Variants in TMEM245 observed in about 807,000 individuals in gnomAD.
TMEM245 encodes protein CG-2.
Under a neutral mutation model 101.2 loss-of-function variants are expected in TMEM245, and 69 were observed. That is an observed-to-expected ratio of 0.68 (90% confidence interval 0.56 to 0.83). TMEM245 has a LOEUF of 0.83. Ranked by LOEUF, TMEM245 falls within the 40% of genes least tolerant of loss-of-function variation. The pLI is 0.00. For synonymous variants in TMEM245, 537 were observed against 449.8 expected, an observed-to-expected ratio of 1.19 and a Z score of -2.45; for missense variants, 1,075 against 1,092.8, an observed-to-expected ratio of 0.98 and a Z score of 0.23.
intron 7 of TMEM245, among the ~76,000 whole-genome samples, chr9:109,084,538 T>A (rs1829778674): frequency 6.6e-6 from 1 of 152,152 alleles, no homozygotes; most frequent in Non-Finnish European, 1.5e-5. Context: ...CTTTCCCCCA[T>A]CTCTTGAGGG....
chr9:109,055,098 A>G (rs1389750589), intron 12 of TMEM245, among the ~76,000 whole-genome samples: 1 of 152,228 alleles, frequency 6.6e-6, no homozygotes, highest in African/African-American at 2.4e-5. Flanking sequence ...ATAAAATTTA[A>G]TCATGTTTCT....
chr9:109,065,731 G>C (rs1005595186), intron 9 of TMEM245, among the ~76,000 whole-genome samples: 1 of 151,998 alleles, frequency 6.6e-6, no homozygotes. Flanking sequence ...ATATACGCTG[G>C]AGATGTTGAC....
chr9:109,116,152 A>G (rs1444295583), intron 1 of TMEM245, among the ~76,000 whole-genome samples: 1 of 152,236 alleles, frequency 6.6e-6, no homozygotes, highest in African/African-American at 2.4e-5. Context: ...GGATTCGCTT[A>G]AAGGTAACTT....
At chr9:109,073,596 A>G (rs189776577) in intron 8 of TMEM245, among the ~76,000 whole-genome samples, 158 bp from the exon 9 acceptor site, 1 of 152,362 alleles carries the variant, frequency 6.6e-6, no homozygotes, top group East Asian at 1.9e-4. Flanking sequence ...AAGTTACTAT[A>G]CATTATATCT....
chr9:109,027,243 G>A (rs1408777398), intron 17 of TMEM245, among the ~76,000 whole-genome samples: 1 of 152,062 alleles, frequency 6.6e-6, no homozygotes, highest in East Asian at 1.9e-4. Context: ...TTTCCTTAAA[G>A]AGCAGTAAGA....
At chr9:109,064,968 TAG>T (rs1296443249) in intron 9 of TMEM245, among the ~76,000 whole-genome samples, 2 of 152,046 alleles carry the variant, frequency 1.3e-5, no homozygotes, top group Non-Finnish European at 2.9e-5. Flanking sequence ...TGTATTTTAG[TAG>T]AGATAGGGTT....
intron 8 of TMEM245, among the ~76,000 whole-genome samples, chr9:109,077,408 T>C (rs1455049329): frequency 6.6e-6 from 1 of 152,186 alleles, no homozygotes; most frequent in Non-Finnish European, 1.5e-5. Flanking sequence ...CTGCCTCATC[T>C]TCCCGAAGTC....
intron 1 of TMEM245, among the ~76,000 whole-genome samples, chr9:109,117,042 G>C: frequency 6.6e-6 from 1 of 151,120 alleles, no homozygotes; most frequent in Non-Finnish European, 1.5e-5. Flanking sequence ...TGTTGAGTTT[G>C]TTTTTTTTTA....
intron 3 of TMEM245, among the ~76,000 whole-genome samples, chr9:109,095,292 G>A (rs1456042910): frequency 6.6e-6 from 1 of 152,152 alleles, no homozygotes; most frequent in Non-Finnish European, 1.5e-5. Context: ...ACTGTGTGCT[G>A]GGGATAAAGA....
intron 2 of TMEM245, among the ~76,000 whole-genome samples, chr9:109,108,237 A>G (rs1382872766): frequency 6.6e-6 from 1 of 152,164 alleles, no homozygotes; most frequent in Non-Finnish European, 1.5e-5. Flanking sequence ...TGACTTTTAA[A>G]AGGACCTTTT....
At chr9:109,058,742 T>C (rs1828923336) in intron 11 of TMEM245, among the ~76,000 whole-genome samples, 2 of 151,960 alleles carry the variant, frequency 1.3e-5, no homozygotes, top group Non-Finnish European at 2.9e-5. Flanking sequence ...TCTCCCCGAG[T>C]AGCTAGGACT....
intron 3 of TMEM245, among the ~76,000 whole-genome samples, chr9:109,098,175 T>G (rs573789581): frequency 5.3e-5 from 8 of 152,238 alleles, no homozygotes; most frequent in Non-Finnish European, 1.0e-4. Context: ...ATCTGTAGAG[T>G]AGGCACTGAA....
intron 9 of TMEM245, among the ~76,000 whole-genome samples, chr9:109,072,659 T>C (rs1202887793): frequency 1.3e-5 from 2 of 152,304 alleles, no homozygotes; most frequent in East Asian, 3.9e-4. Flanking sequence ...AATTTGGCCC[T>C]GGGCCATAGT....
intron 17 of TMEM245, among the ~76,000 whole-genome samples, chr9:109,027,259 C>T (rs1021406354): frequency 6.6e-6 from 1 of 151,918 alleles, no homozygotes; most frequent in Non-Finnish European, 1.5e-5. Context: ...TAAGACAACA[C>T]CCTCTGATAT....
chr9:109,083,917 A>AAAAAAAAAAAAAAAAAAAAAC (rs1588061024), intron 7 of TMEM245, among the ~76,000 whole-genome samples: 1 of 136,358 alleles, frequency 7.3e-6, no homozygotes, highest in East Asian at 2.2e-4. Flanking sequence ...AAAAAAAAAA[A>AAAAAAAAAAAAAAAAAAAAAC]AAAAAAAAAA....
chr9:109,066,598 A>T (rs1829177105), intron 9 of TMEM245, among the ~76,000 whole-genome samples: 1 of 152,102 alleles, frequency 6.6e-6, no homozygotes, highest in Non-Finnish European at 1.5e-5. Context: ...GGGAGAAATT[A>T]AGTAGCTTTT....
rs1270501145 is a variant in TMEM245 at position 109,064,467 on chromosome 9, C to T, written c.1623+10G>A. 3.1e-6 allele frequency: 5 copies of T among 1,604,126 alleles called. No homozygotes were observed. In the Admixed American group the frequency reaches 8.6e-5, roughly 28 times the overall value. On this transcript the variant is annotated intron_variant, in intron 10 of 17. Coordinates refer to ENST00000374586, the MANE Select transcript of TMEM245 (RefSeq NM_032012.4). ...AAAGAGAAAGCCACAAAGAAAGTTT[C>T]TTCCCTTACCTTGTGAGTTATCCAT...
At chr9:109,093,325 G>A in intron 4 of TMEM245, 150 bp downstream of exon 4, 2 of 638,062 alleles carry the variant, frequency 3.1e-6, no homozygotes, top group Non-Finnish European at 5.4e-6. Flanking sequence ...AAGATGAGAG[G>A]GAAAAGGGCA....
intron 16 of TMEM245, 129 bp from the exon 17 acceptor site, chr9:109,033,630 G>T: frequency 1.3e-6 from 1 of 795,120 alleles, no homozygotes; most frequent in Non-Finnish European, 1.9e-6. Context: ...AGATCACCTC[G>T]ATGCATACAA....
Sources: gnomAD v4.1 joint callset for allele counts (sites outside exome capture counted in the v4.1 genomes callset) on GRCh38, gnomAD v4.1.1 for gene constraint, MANE v1.5 for transcripts, NCBI Gene and HGNC (gene_info 2026-07-23, HGNC 2026-07-21) for gene names.